CACNA1E: variants seen among roughly 807,000 people sequenced by gnomAD.
The protein encoded by CACNA1E is calcium voltage-gated channel subunit alpha1 E.
CACNA1E carries 40 observed loss-of-function variants against 259.2 expected under a neutral mutation model. The ratio of observed to expected loss-of-function variants is 0.15; its 90% CI spans 0.12 to 0.20. CACNA1E has a LOEUF of 0.20. Ranked by LOEUF, CACNA1E falls within the 10% of genes least tolerant of loss-of-function variation. The pLI is 1.00. For missense variants in CACNA1E, 1,874 were observed against 3,040.1 expected, an observed-to-expected ratio of 0.62 and a Z score of 9.02; for synonymous variants, 1,104 against 1,138.5, an observed-to-expected ratio of 0.97 and a Z score of 0.61.
intron 45 of CACNA1E, among the ~76,000 whole-genome samples, chr1:181,794,229 T>C (rs532778273): frequency 9.8e-4 from 150 of 152,360 alleles, no homozygotes; most frequent in Admixed American, 1.2e-3. Flanking sequence ...TTCTTTTTCC[T>C]GTCTGTCGGT....
intron 2 of CACNA1E, among the ~76,000 whole-genome samples, chr1:181,423,630 C>T (rs1042108119): frequency 6.7e-6 from 1 of 149,088 alleles, no homozygotes; most frequent in Non-Finnish European, 1.5e-5. Flanking sequence ...AACCTTGAAG[C>T]TTTATGGGTG....
intron 7 of CACNA1E, among the ~76,000 whole-genome samples, chr1:181,687,648 A>T (rs141601668): frequency 6.6e-6 from 1 of 152,206 alleles, no homozygotes. Context: ...CAGCCAATGG[A>T]CACGCAGTTC....
At chr1:181,762,748 C>T (rs1658695342) in intron 33 of CACNA1E, 91 bp downstream of exon 33, 1 of 765,344 alleles carries the variant, frequency 1.3e-6, no homozygotes, top group Non-Finnish European at 2.2e-6. Flanking sequence ...TTTTAACCCA[C>T]CAAAGCAAAT....
rs146861058 is a variant in CACNA1E, at chr1:181,433,283, C to A, written c.434+19703C>A. Among the ~76,000 whole-genome samples, 273 of 152,330 alleles carry A rather than the reference C, an allele frequency of 1.8e-3. 2 individuals are homozygous for A. Among genetic ancestry groups the A allele is most frequent in the African/African-American group, 6.3e-3 (261 of 41,574 alleles). ...ACCCCCACTCCATGATTTCTTTCTGCACTGTCTGCTCTCTGTCCTGTGCTT... is the reference window on the plus strand; with the variant it reads ...ACCCCCACTCCATGATTTCTTTCTGAACTGTCTGCTCTCTGTCCTGTGCTT... On this transcript the variant is annotated intron_variant, in intron 2 of 11. Coordinates refer to the CACNA1E transcript ENST00000524607.
At chr1:181,602,666 G>A (rs1397901967) in intron 6 of CACNA1E, among the ~76,000 whole-genome samples, 2 of 152,146 alleles carry the variant, frequency 1.3e-5, no homozygotes, top group African/African-American at 2.4e-5. Flanking sequence ...GGTGACAAGT[G>A]GGCTGCATTT....
chr1:181,442,730 C>G (rs991124908), intron 2 of CACNA1E, among the ~76,000 whole-genome samples: 1 of 152,110 alleles, frequency 6.6e-6, no homozygotes, highest in Admixed American at 6.5e-5. Context: ...ACTCAAAGGC[C>G]CTCAATTTCA....
At chr1:181,351,911 G>A (rs1653073716) in intron 1 of CACNA1E, among the ~76,000 whole-genome samples, 1 of 152,192 alleles carries the variant, frequency 6.6e-6, no homozygotes, top group Admixed American at 6.5e-5. Flanking sequence ...ACTGGAATGC[G>A]AGCATAGTTG....
chr1:181,691,240 A>G (rs113998101), intron 7 of CACNA1E, among the ~76,000 whole-genome samples: 1 of 151,830 alleles, frequency 6.6e-6, no homozygotes, highest in Non-Finnish European at 1.5e-5. Flanking sequence ...GATTTTATTT[A>G]TCAGAGTTTT....
At chr1:181,610,303 A>G (rs932953289) in intron 6 of CACNA1E, among the ~76,000 whole-genome samples, 1 of 152,194 alleles carries the variant, frequency 6.6e-6, no homozygotes, top group Non-Finnish European at 1.5e-5. Context: ...TCCCAATAAT[A>G]AACCAATAAT....
chr1:181,759,365 A>G (rs1658372008), intron 32 of CACNA1E, among the ~76,000 whole-genome samples: 1 of 151,502 alleles, frequency 6.6e-6, no homozygotes. Context: ...ACTTATGCCT[A>G]TAAAGGCTAA....
intron 1 of CACNA1E, among the ~76,000 whole-genome samples, chr1:181,355,377 C>T (rs190382080): frequency 1.3e-4 from 20 of 152,238 alleles, no homozygotes; most frequent in African/African-American, 4.8e-4. Flanking sequence ...CACTTGAGGT[C>T]AGGAGTTTAA....
chr1:181,554,198 A>G (rs1240626137), intron 3 of CACNA1E, among the ~76,000 whole-genome samples: 1 of 152,116 alleles, frequency 6.6e-6, no homozygotes, highest in East Asian at 1.9e-4. Context: ...TTTCTTGTAT[A>G]GATGAGGTTT....
chr1:181,768,504 A>G (rs1403569635), intron 35 of CACNA1E, among the ~76,000 whole-genome samples: 2 of 152,246 alleles, frequency 1.3e-5, no homozygotes, highest in Non-Finnish European at 2.9e-5. Flanking sequence ...TTGTAAGATC[A>G]GCTCTGTCTG....
intron 1 of CACNA1E, among the ~76,000 whole-genome samples, chr1:181,345,661 G>A (rs1652534692): frequency 1.3e-5 from 2 of 152,160 alleles, no homozygotes; most frequent in African/African-American, 2.4e-5. Flanking sequence ...GGGGCTCATC[G>A]AGGACTGGAA....
At chr1:181,738,266 G>A (rs947503021) in intron 23 of CACNA1E, 101 bp from the exon 24 acceptor site, 9 of 890,300 alleles carry the variant, frequency 1.0e-5, no homozygotes, top group Non-Finnish European at 1.7e-5. Flanking sequence ...GTGAGGGCCA[G>A]GGTGGGCGTG....
chr1:181,751,713 G>C (rs2102661904), intron 26 of CACNA1E, among the ~76,000 whole-genome samples: 1 of 152,188 alleles, frequency 6.6e-6, no homozygotes, highest in East Asian at 1.9e-4. Flanking sequence ...ACAAGCACTG[G>C]ATTAGGCACA....
chr1:181,761,558 G>T (rs932734416), intron 32 of CACNA1E, among the ~76,000 whole-genome samples: 1 of 152,184 alleles, frequency 6.6e-6, no homozygotes. Context: ...CCATTGTCCT[G>T]TGATGTTGCT....
At chr1:181,479,616 G>T (rs962127509), upstream of CACNA1E, among the ~76,000 whole-genome samples, 1 of 152,114 alleles carries the variant, frequency 6.6e-6, no homozygotes, top group African/African-American at 2.4e-5. Flanking sequence ...CCTGGATATT[G>T]AGGGCATGGT....
intron 35 of CACNA1E, among the ~76,000 whole-genome samples, chr1:181,768,203 G>T (rs1659191998): frequency 6.6e-6 from 1 of 151,874 alleles, no homozygotes; most frequent in Non-Finnish European, 1.5e-5. Context: ...GTACTGATCT[G>T]GTATGAATAT....
Sources: gnomAD v4.1 joint callset for allele counts (sites outside exome capture counted in the v4.1 genomes callset) on GRCh38, gnomAD v4.1.1 for gene constraint, MANE v1.5 for transcripts, NCBI Gene and HGNC (gene_info 2026-07-23, HGNC 2026-07-21) for gene names.